Variants in TECPR1 observed in about 807,000 individuals in gnomAD.
The protein encoded by TECPR1 is tectonin beta-propeller repeat containing 1, also known as tectonin beta-propeller repeat-containing protein 1.
In TECPR1, 122 loss-of-function variants were observed where a neutral mutation model predicts 162.4. The ratio of observed to expected loss-of-function variants is 0.75; its 90% CI spans 0.65 to 0.87. The LOEUF (loss-of-function observed/expected upper bound fraction) is 0.87. TECPR1 is among the 40% of genes least tolerant of loss of function. TECPR1 has a pLI of 0.00. For synonymous variants in TECPR1, 642 were observed against 670.6 expected (o/e 0.96, Z 0.66); for missense variants, 1,432 against 1,618.2 (o/e 0.88, Z 1.97).
Position 98,217,685 on chromosome 7 carries a change from C to G in TECPR1, c.3384+7G>C, listed in dbSNP as rs929301560. On this transcript the variant is annotated splice_region_variant and intron_variant, in intron 25 of 25. Transcript: ENST00000447648. The stretch of plus-strand genomic sequence containing the variant: ...TAACACAGCCCAAGGCCGCGGGCCC[C>G]GCTCACCCCGATGCCGTAGTCCCAG... The G allele has an allele frequency of 5.2e-6, 8 of 1,536,848 alleles. No homozygotes were observed. In the African/African-American group the frequency reaches 6.9e-5, roughly 13 times the overall value.
intron 15 of TECPR1, among the ~76,000 whole-genome samples, chr7:98,230,346 C>T (rs1798392224): frequency 6.6e-6 from 1 of 152,060 alleles, no homozygotes; most frequent in African/African-American, 2.4e-5. Flanking sequence ...AACAATGTCT[C>T]CTAGGCTTGT....
chr7:98,235,268 G>A (rs954510512), intron 10 of TECPR1, among the ~76,000 whole-genome samples: 6 of 152,184 alleles, frequency 3.9e-5, no homozygotes, highest in African/African-American at 1.4e-4. Flanking sequence ...GCTCACGCCT[G>A]TAATCTCAGC....
chr7:98,243,367 CG>C, intron 6 of TECPR1, 99 bp downstream of exon 6: 5 of 1,403,538 alleles, frequency 3.6e-6, no homozygotes, highest in South Asian at 1.3e-5. Flanking sequence ...GTGGGGGGGC[CG>C]GGGCTCCGGG....
chr7:98,233,172 G>T, intron 11 of TECPR1, 200 bp from the exon 12 acceptor site: 1 of 786,948 alleles, frequency 1.3e-6, no homozygotes, highest in Non-Finnish European at 1.9e-6. Context: ...ACCACCGCTA[G>T]CACAGGGGAG....
chr7:98,224,371 G>A (rs182198488), intron 19 of TECPR1, among the ~76,000 whole-genome samples: 1 of 152,316 alleles, frequency 6.6e-6, no homozygotes, highest in Admixed American at 6.5e-5. Context: ...CTAACATCTC[G>A]TGTTGGGTCC....
rs928501175 is a variant in TECPR1 at position 98,232,059 on chromosome 7, G to A, written c.1819-100C>T. ...GCCCAGAGGAGGAGGCAGGGCTGGG[G>A]TAGGGCCCACCCAGCACTCCCGGCT... On this transcript the variant is annotated intron_variant, in intron 12 of 25. Coordinates refer to ENST00000447648, the MANE Select transcript of TECPR1 (RefSeq NM_015395.3). This position sits in a 1 kb window ranked among gnomAD's most constrained non-coding sequence, Gnocchi z 4.6. 3.0e-6 allele frequency: 4 copies of A among 1,339,220 alleles called. No individual in the cohort carries two copies. The highest frequency in any genetic ancestry group is 4.1e-6 in the Non-Finnish European group (4 of 982,494). 83.0% of individuals were successfully genotyped at this position (1,339,220 alleles called of 1,614,324 possible).
chr7:98,219,289 A>T (rs1395609029), intron 23 of TECPR1, among the ~76,000 whole-genome samples: 4 of 151,928 alleles, frequency 2.6e-5, no homozygotes, highest in South Asian at 2.1e-4. Flanking sequence ...CAAATTCTAT[A>T]AAAAAAACCT....
At position 98,243,512 on chromosome 7, in the gene TECPR1, C is replaced by T. The variant is rs1485984544; in HGVS notation, c.612G>A (p.Glu204=). Residue 204 remains glutamate (E), a synonymous_variant, in exon 6 of 26, where the codon GAG becomes GAA. Transcript: ENST00000447648. ...CCCACACTGACAGGCGGCCCACAGG[C>T]TCCTCCGTGATCTCCCAGCCCCCTA... ...LSVGGWEITE[E]PVGRLSVWAV... is the part of the protein sequence containing the mutation. 1 of 1,612,662 alleles carries T rather than the reference C, an allele frequency of 6.2e-7. No homozygotes were observed.
intron 8 of TECPR1, 109 bp from the exon 9 acceptor site, chr7:98,238,719 G>T: frequency 1.1e-6 from 1 of 916,866 alleles, no homozygotes; most frequent in Non-Finnish European, 1.7e-6. Flanking sequence ...TTTGGTTCAC[G>T]TCGCAAATGA....
chr7:98,243,400 G>A lies in TECPR1; in HGVS notation c.657+67C>T, dbSNP rs145073539. ...CGGGGAGGAGCAAGACCCAGGGGGT[G>A]CACAGGACAGGACCCACAGGAGGTG... On this transcript the variant is annotated intron_variant, in intron 6 of 25. Coordinates refer to ENST00000447648, the MANE Select transcript of TECPR1 (RefSeq NM_015395.3). The A allele has an allele frequency of 5.9e-4, 939 of 1,592,740 alleles. 9 individuals carry two copies. In the African/African-American group the frequency reaches 0.011, roughly 18 times the overall value.
chr7:98,225,534 T>A (rs1206457846), intron 17 of TECPR1, among the ~76,000 whole-genome samples: 5 of 146,728 alleles, frequency 3.4e-5, no homozygotes, highest in Non-Finnish European at 7.5e-5. Context: ...AGAGCAAGAC[T>A]TCGTCTCAAA....
At position 98,216,921 on chromosome 7, in the gene TECPR1, C is replaced by T. The variant is rs1798025143; in HGVS notation, c.*469G>A. On this transcript the variant is annotated 3_prime_UTR_variant, in exon 26 of 26. Coordinates refer to ENST00000447648, the MANE Select transcript of TECPR1 (RefSeq NM_015395.3). ...TGCAAGTCCTGCTCTGAGAAATGGT[C>T]ACTGCACATGGTAAAGAGGCCCTGA... is the stretch of plus-strand genomic sequence containing the variant. 1 of 160,040 alleles carries T rather than the reference C, an allele frequency of 6.2e-6. No homozygotes were observed. The highest frequency in any genetic ancestry group is 1.4e-5 in the Non-Finnish European group (1 of 72,984). 9.9% of individuals were successfully genotyped at this position (160,040 alleles called of 1,614,324 possible).
chr7:98,241,529 G>A lies in TECPR1; in HGVS notation c.658-285C>T, dbSNP rs1445757869. Among the ~76,000 whole-genome samples the A allele has an allele frequency of 6.6e-6, 1 of 152,126 alleles. No individual in the cohort carries two copies. Among genetic ancestry groups the A allele is most frequent in the Non-Finnish European group, 1.5e-5 (1 of 68,012 alleles). ...AGGCATGTGGGTCTCCGGCCACTCT[G>A]GCCAGCCCGTGTGTCCCATGCCCCC... On this transcript the variant is annotated intron_variant, in intron 6 of 25. Coordinates refer to ENST00000447648, the MANE Select transcript of TECPR1 (RefSeq NM_015395.3). This position sits in a 1 kb window ranked among gnomAD's most constrained non-coding sequence, Gnocchi z 5.0.
intron 23 of TECPR1, among the ~76,000 whole-genome samples, chr7:98,220,448 G>A (rs938368592): frequency 1.3e-5 from 2 of 152,072 alleles, no homozygotes; most frequent in Non-Finnish European, 2.9e-5. Context: ...AGGCTGGAGT[G>A]CAGTGGCATG....
At chr7:98,225,433 G>A (rs1469101054) in intron 17 of TECPR1, among the ~76,000 whole-genome samples, 5 of 152,142 alleles carry the variant, frequency 3.3e-5, no homozygotes, top group Admixed American at 2.6e-4. Context: ...TACTCAGGAG[G>A]CTGAGGCAGG....
At position 98,241,154 on chromosome 7, in the gene TECPR1, A is replaced by G. The variant is rs936752552; in HGVS notation, c.748T>C (p.Cys250Arg). Residue 250 changes from cysteine to arginine, a missense_variant, in exon 7 of 26, where the codon TGT (cysteine) becomes CGT (arginine). Coordinates refer to ENST00000447648, the MANE Select transcript of TECPR1 (RefSeq NM_015395.3). This position sits in a 1 kb window ranked among gnomAD's most constrained non-coding sequence, Gnocchi z 5.0. ...DTPGEVVQIS[C>R]GPHDLLWATL... ...GCCCACAGGAGGTCGTGGGGCCCAC[A>G]GCTGATCTGAACCACCTCCCCGGGG... 2 of 1,612,930 alleles carry G rather than the reference A, an allele frequency of 1.2e-6. No homozygotes were observed. The highest frequency in any genetic ancestry group is 3.3e-5 in the Admixed American group (2 of 60,024).
Position 98,218,020 on chromosome 7 carries a change from C to A in TECPR1, c.3180G>T (p.Gly1060=). ...DENGNLWYRQ[G]ITPSYPQGSS... is the part of the protein sequence containing the mutation. ...AGCCCTGCGGGTAGCTGGGCGTGAT[C>A]CCTTGGCGATACCACAGGTTTCCTG... Residue 1060 remains glycine (G), a synonymous_variant, in exon 24 of 26, where the codon GGG becomes GGT. Transcript: ENST00000447648. 1 of 1,566,770 alleles carries A rather than the reference C, an allele frequency of 6.4e-7. No homozygotes were observed. The highest frequency in any genetic ancestry group is 8.6e-7 in the Non-Finnish European group (1 of 1,156,256).
At chr7:98,226,654 G>C in intron 17 of TECPR1, 1 of 1,093,802 alleles carries the variant, frequency 9.1e-7, no homozygotes, top group Non-Finnish European at 1.1e-6. Flanking sequence ...GAGGCCGGGC[G>C]CAGTGGCTCT....
chr7:98,229,473 G>A (rs1034124145), intron 15 of TECPR1, among the ~76,000 whole-genome samples: 37 of 152,154 alleles, frequency 2.4e-4, no homozygotes, highest in South Asian at 8.3e-4. Flanking sequence ...TGAGGCCAGC[G>A]GCGTGTTTCA....
Sources: gnomAD v4.1 joint callset for allele counts (sites outside exome capture counted in the v4.1 genomes callset) on GRCh38, gnomAD v4.1.1 for gene constraint, Gnocchi (gnomAD v3.1) non-coding constraint, MANE v1.5 for transcripts, NCBI Gene and HGNC (gene_info 2026-07-23, HGNC 2026-07-21) for gene names.